The following BAP1 variants were observed in gnomAD, a reference collection of about 807,000 sequenced individuals.
BAP1 encodes BRCA1 associated deubiquitinase 1.
Under a neutral mutation model 77.2 loss-of-function variants are expected in BAP1, and 16 were observed. That is an observed-to-expected ratio of 0.21 (90% CI 0.14 to 0.31). BAP1 has a LOEUF of 0.31. Among genes scored for constraint, BAP1 ranks in the 10% least tolerant of loss-of-function variants. The pLI, the probability that BAP1 is intolerant of heterozygous loss-of-function variation, is 1.00. For missense variants in BAP1, 699 were observed against 967.3 expected, an observed-to-expected ratio of 0.72 and a Z score of 3.68; for synonymous variants, 362 against 385.2, an observed-to-expected ratio of 0.94 and a Z score of 0.71.
chr3:52,404,205 A>G (rs1378917548), intron 12 of BAP1, among the ~76,000 whole-genome samples: 1 of 152,140 alleles, frequency 6.6e-6, no homozygotes, highest in Non-Finnish European at 1.5e-5. Flanking sequence ...CCAATCCTTC[A>G]AGGCCTGGCT....
Position 52,406,582 on chromosome 3 carries a change from G to C in BAP1, c.660-206C>G. 6.5e-6 allele frequency: 6 copies of C among 927,980 alleles called. No individual in the cohort carries two copies. Among genetic ancestry groups the C allele is most frequent in the Non-Finnish European group, 9.8e-6 (6 of 609,550 alleles). The allele number at this position is 927,980 out of a possible 1,614,324, so 57.5% of individuals were successfully genotyped here. A position where few individuals can be genotyped will look rare whatever the true frequency, so the allele number is the denominator to read the frequency against. On this transcript the variant is annotated intron_variant, in intron 8 of 16. Transcript: ENST00000460680. This position sits in a 1 kb window ranked among gnomAD's most constrained non-coding sequence, Gnocchi z 4.6. ...AGCTGTATGAGGGGCCTATCTGGAAGTGAACCAGCAGACCTGGGCTGCCTA... is the reference window on the plus strand; with the variant it reads ...AGCTGTATGAGGGGCCTATCTGGAACTGAACCAGCAGACCTGGGCTGCCTA...
chr3:52,406,004 C>T lies in BAP1; in HGVS notation c.784-92G>A, dbSNP rs2153227351. 1.3e-6 allele frequency: 2 copies of T among 1,577,630 alleles called. No homozygotes were observed. Among genetic ancestry groups the T allele is most frequent in the South Asian group, 1.1e-5 (1 of 89,134 alleles). On this transcript the variant is annotated intron_variant, in intron 9 of 16. Coordinates refer to ENST00000460680, the MANE Select transcript of BAP1 (RefSeq NM_004656.4). The surrounding 1 kb of genome is among the most constrained non-coding windows in gnomAD (Gnocchi z 4.6). ...GGCTGAGGACCTAAAGGAATAATGGCCTTGGCTCTACCCATTCACTCACAG... is the reference window on the plus strand; with the variant it reads ...GGCTGAGGACCTAAAGGAATAATGGTCTTGGCTCTACCCATTCACTCACAG...
intron 12 of BAP1, 46 bp downstream of exon 12, chr3:52,404,407 G>A: frequency 6.2e-7 from 1 of 1,613,968 alleles, no homozygotes; most frequent in Non-Finnish European, 8.5e-7. Context: ...TTCAGGATGG[G>A]ATCCGAAGCA....
rs1362490138 is a variant in BAP1, at chr3:52,405,884, A to T, written c.812T>A (p.Ile271Asn). ...TGACTCTTGAGACTTGTGGGTCTGA[A>T]TCAGCTCTGGCTGTGTTACTCTTAT... is the stretch of plus-strand genomic sequence containing the variant. ...QLIRVTQPELIQTHKSQESQL... is the reference protein window; with the variant it reads ...QLIRVTQPELNQTHKSQESQL... The change falls in exon 10 of 17, where the codon ATT becomes AAT. Residue 271 changes from isoleucine (I) to asparagine (N), a missense_variant. Ile to Asn is a moderately radical substitution (Grantham distance 149, BLOSUM62 -3). Transcript: ENST00000460680. 1.2e-6 allele frequency: 2 copies of T among 1,613,994 alleles called. No homozygotes were observed. The highest frequency in any genetic ancestry group is 2.2e-5 in the South Asian group (2 of 91,090).
Position 52,401,832 on chromosome 3 carries a change from A to C in BAP1, c.*456T>G, listed in dbSNP as rs896200157. The C allele has an allele frequency of 1.1e-5, 3 of 280,630 alleles. No individual in the cohort carries two copies. The allele number at this position is 280,630 out of a possible 1,614,324, so 17.4% of individuals were successfully genotyped here. A position where few individuals can be genotyped will look rare whatever the true frequency, so the allele number is the denominator to read the frequency against. On this transcript the variant is annotated 3_prime_UTR_variant, in exon 17 of 17. Coordinates refer to ENST00000460680, the MANE Select transcript of BAP1 (RefSeq NM_004656.4). The stretch of plus-strand genomic sequence containing the variant: ...GGGCCCACCCAGGCCCCCAGCTAGG[A>C]CCCTGTAGTTGGGACCGTGGCATGA...
intron 2 of BAP1, 22 bp downstream of exon 2, chr3:52,409,692 G>A (rs756448694): frequency 3.7e-6 from 6 of 1,614,158 alleles, no homozygotes; most frequent in Non-Finnish European, 4.2e-6. Flanking sequence ...GCCCCGGTCC[G>A]GCAGGGAGAA....
At position 52,406,984 on chromosome 3, in the gene BAP1, GAGA is replaced by G; in HGVS notation, c.581-80_581-78del. The G allele has an allele frequency of 1.3e-6, 2 of 1,508,346 alleles. No homozygotes were observed. The highest frequency in any genetic ancestry group is 1.8e-6 in the Non-Finnish European group (2 of 1,106,766). 93.4% of individuals were successfully genotyped at this position (1,508,346 alleles called of 1,614,324 possible). On this transcript the variant is annotated intron_variant, in intron 7 of 16. Transcript: ENST00000460680. This position sits in a 1 kb window ranked among gnomAD's most constrained non-coding sequence, Gnocchi z 4.6. ...CAGGCCAGGAGTGGGAAGGAAGACA[GAGA>G]AGAGCAGTTGAGCCAGGGAATCAGG...
chr3:52,403,038 T>C lies in BAP1; in HGVS notation c.1890+100A>G, dbSNP rs780012037. On this transcript the variant is annotated intron_variant, in intron 14 of 16. Transcript: ENST00000460680. The surrounding 1 kb of genome is among the most constrained non-coding windows in gnomAD (Gnocchi z 4.0). ...GGCACATGGCTCCAGCCACCAATCT[T>C]CACACCAAAGTTCCAATCAAGAACT... The C allele has an allele frequency of 1.3e-6, 2 of 1,599,024 alleles. No individual in the cohort carries two copies. The highest frequency in any genetic ancestry group is 1.7e-6 in the Non-Finnish European group (2 of 1,177,164).
Position 52,402,799 on chromosome 3 carries a change from C to G in BAP1, c.1963G>C (p.Glu655Gln), listed in dbSNP as rs2153226296. 6.2e-7 allele frequency: 1 copy of G among 1,614,234 alleles called. No individual in the cohort carries two copies. ...NYEACLKEEVEKRKKFKIDDQ... is the reference protein window; with the variant it reads ...NYEACLKEEVQKRKKFKIDDQ... The stretch of plus-strand genomic sequence containing the variant: ...CCCACCTTGAACTTCTTCCTCTTCT[C>G]TACCTCCTCCTTGAGGCACGCCTCA... Residue 655 changes from glutamate to glutamine, a missense_variant, in exon 15 of 17, where the codon GAG becomes CAG. Glu to Gln is a conservative substitution (Grantham distance 29). Around this residue, in one of 3 missense-constraint regions of BAP1, gnomAD observed 64 missense variants for 112.1 expected, o/e 0.57. Coordinates refer to ENST00000460680, the MANE Select transcript of BAP1 (RefSeq NM_004656.4). The surrounding 1 kb of genome is among the most constrained non-coding windows in gnomAD (Gnocchi z 5.3).
At chr3:52,409,404 G>A in intron 3 of BAP1, 150 bp downstream of exon 3, 4 of 1,069,798 alleles carry the variant, frequency 3.7e-6, no homozygotes, top group Non-Finnish European at 5.8e-6. Flanking sequence ...AGTTTGATCA[G>A]GAGCGGGCAC....
chr3:52,405,288 G>C lies in BAP1; in HGVS notation c.938C>G (p.Ala313Gly), dbSNP rs2153227086. The change falls in exon 11 of 17, where the codon GCA becomes GGA. Residue 313 changes from alanine (A) to glycine (G), a missense_variant. Ala to Gly is a moderately conservative substitution (Grantham distance 60, BLOSUM62 0). Coordinates refer to ENST00000460680, the MANE Select transcript of BAP1 (RefSeq NM_004656.4). ...TGCGCATGAACCAGCCGCCTCCTCT[G>C]CACCATCTGAGACAGGGCAAGAACA... ...AASEGNHTDG[A>G]EEAAGSCAQA... The C allele has an allele frequency of 6.2e-7, 1 of 1,613,612 alleles. No individual in the cohort carries two copies. Among genetic ancestry groups the C allele is most frequent in the South Asian group, 1.1e-5 (1 of 91,070 alleles).
At position 52,403,006 on chromosome 3, in the gene BAP1, G is replaced by A. The variant is rs1450037440; in HGVS notation, c.1890+132C>T. ...CCCCTGCCACCACCCAACCCAGAAA[G>A]TCTTCTGGCACATGGCTCCAGCCAC... On this transcript the variant is annotated intron_variant, in intron 14 of 16. Transcript: ENST00000460680. This position sits in a 1 kb window ranked among gnomAD's most constrained non-coding sequence, Gnocchi z 4.0. The A allele has an allele frequency of 6.3e-7, 1 of 1,596,494 alleles. No homozygotes were observed. The highest frequency in any genetic ancestry group is 8.5e-7 in the Non-Finnish European group (1 of 1,176,018).
rs1553645509 is a variant in BAP1 at position 52,405,891 on chromosome 3, C to G, written c.805G>C (p.Glu269Gln). The change falls in exon 10 of 17, where the codon GAG (glutamate) becomes CAG (glutamine). Residue 269 changes from glutamate (E) to glutamine (Q), a missense_variant. Coordinates refer to ENST00000460680, the MANE Select transcript of BAP1 (RefSeq NM_004656.4). ...LQQLIRVTQP[E>Q]LIQTHKSQES... The stretch of plus-strand genomic sequence containing the variant: ...TGAGACTTGTGGGTCTGAATCAGCT[C>G]TGGCTGTGTTACTCTTATCAGCTAA... 6.2e-7 allele frequency: 1 copy of G among 1,614,100 alleles called. No individual in the cohort carries two copies. The highest frequency in any genetic ancestry group is 8.5e-7 in the Non-Finnish European group (1 of 1,180,038).
Position 52,407,437 on chromosome 3 carries a change from AT to A in BAP1, c.398del (p.Asn133MetfsTer54). On this transcript the variant is annotated frameshift_variant, in exon 6 of 17. Transcript: ENST00000460680. LOFTEE classifies it high-confidence loss of function. ...TATGGGCCTTGGCCAACTCCGGGGC[AT>A]TGCCAATCGCATATCCTTTGCTCTA... ...SPESKGYAIG[N>X]APELAKAHNS... is the part of the protein sequence containing the mutation. The A allele has an allele frequency of 6.2e-7, 1 of 1,614,200 alleles. No individual in the cohort carries two copies.
intron 3 of BAP1, 132 bp downstream of exon 3, chr3:52,409,422 G>C: frequency 8.0e-7 from 1 of 1,246,318 alleles, no homozygotes. Flanking sequence ...CACTCAGAGA[G>C]CAAGGCTGCT....
rs1705222319 is a variant in BAP1 at position 52,408,051 on chromosome 3, A to G, written c.282T>C (p.His94=). The change falls in exon 5 of 17, where the codon CAT becomes CAC. Residue 94 remains histidine (H), a synonymous_variant. Coordinates refer to ENST00000460680, the MANE Select transcript of BAP1 (RefSeq NM_004656.4). ...HQLIPNSCAT[H]ALLSVLLNCS... Reference sequence around the variant, plus strand: ...AGTTCAGGAGCACGCTCAGCAAGGCATGAGTTGCACAAGAGTTGGGTATCA... The same window carrying G: ...AGTTCAGGAGCACGCTCAGCAAGGCGTGAGTTGCACAAGAGTTGGGTATCA... 3 of 1,611,910 alleles carry G rather than the reference A, an allele frequency of 1.9e-6. No individual in the cohort carries two copies. Among genetic ancestry groups the G allele is most frequent in the Non-Finnish European group, 2.5e-6 (3 of 1,178,954 alleles).
Position 52,402,294 on chromosome 3 carries a change from G to A in BAP1, c.2184C>T (p.Arg728=), listed in dbSNP as rs1445241004. The change falls in exon 17 of 17, where the codon CGC becomes CGT. Residue 728 remains arginine, a synonymous_variant. Transcript: ENST00000460680. The surrounding 1 kb of genome is among the most constrained non-coding windows in gnomAD (Gnocchi z 5.3). The part of the protein sequence containing the change: ...RKRSRPYKAK[R]Q ...GAGTCAGGGCCAGCAGTCCTCACTG[G>A]CGCTTGGCCTTGTAGGGGCGAGAGC... 1.9e-6 allele frequency: 3 copies of A among 1,600,958 alleles called. No homozygotes were observed. The South Asian group carries it at 3.4e-5, about 18-fold the overall frequency.
Position 52,403,185 on chromosome 3 carries a change from T to C in BAP1, c.1843A>G (p.Met615Val), listed in dbSNP as rs1183229867. 5 of 1,614,104 alleles carry C rather than the reference T, an allele frequency of 3.1e-6. No individual in the cohort carries two copies. The Admixed American group carries it at 8.3e-5, about 27-fold the overall frequency. ...EATDSREKTG[M>V]VRPGEPLSGE... The stretch of plus-strand genomic sequence containing the variant: ...CTCAAGGGCTCGCCAGGCCTCACCA[T>C]CCCCGTCTTCTCTCTGCTGTCCGTG... The change falls in exon 14 of 17, where the codon ATG (methionine) becomes GTG (valine). Residue 615 changes from methionine to valine, a missense_variant. Around this residue, in one of 3 missense-constraint regions of BAP1, gnomAD observed 475 missense variants for 532.4 expected, o/e 0.89. Coordinates refer to ENST00000460680, the MANE Select transcript of BAP1 (RefSeq NM_004656.4). The surrounding 1 kb of genome is among the most constrained non-coding windows in gnomAD (Gnocchi z 4.0).
At position 52,407,375 on chromosome 3, in the gene BAP1, T is replaced by TCAGCTCCCA. The variant is rs755685938; in HGVS notation, c.437+15_437+23dup. The TCAGCTCCCA allele has an allele frequency of 1.1e-5, 18 of 1,613,998 alleles. No individual in the cohort carries two copies. The Middle Eastern group carries it at 4.9e-4, about 44-fold the overall frequency. ...ATACTCCCCCTACTCCCACCCCACA[T>TCAGCTCCCA]CAGCTCCCACAGCTCCCACACACCT... On this transcript the variant is annotated intron_variant, in intron 6 of 16. Transcript: ENST00000460680.
Sources: allele counts gnomAD v4.1 joint callset (sites outside exome capture counted in the v4.1 genomes callset), GRCh38; gene constraint gnomAD v4.1.1; regional missense constraint gnomAD v4.1.1; non-coding constraint Gnocchi (gnomAD v3.1); transcripts MANE v1.5; gene names NCBI Gene and HGNC (gene_info 2026-07-23, HGNC 2026-07-21).